The following PPP1R1C variants were observed in gnomAD, a reference collection of about 807,000 sequenced individuals.
PPP1R1C encodes the protein protein phosphatase 1 regulatory subunit 1C.
In PPP1R1C, 15 loss-of-function variants were observed where a neutral mutation model predicts 17.4. The ratio of observed to expected loss-of-function variants is 0.86; its 90% confidence interval spans 0.58 to 1.33. The LOEUF is 1.33. Ranked by LOEUF, PPP1R1C falls within the 40% of genes most tolerant of loss-of-function variation. The pLI is 0.00. For synonymous variants in PPP1R1C, 35 were observed against 43.1 expected, an observed-to-expected ratio of 0.81 and a Z score of 0.73; for missense variants, 143 against 130.0, an observed-to-expected ratio of 1.10 and a Z score of -0.48.
chr2:182,124,647 A>G (rs1305964877), intron 5 of PPP1R1C, among the ~76,000 whole-genome samples: 1 of 151,848 alleles, frequency 6.6e-6, no homozygotes, highest in Non-Finnish European at 1.5e-5. Context: ...GTGTTTTACT[A>G]TCTTTGTAGC....
intron 2 of PPP1R1C, among the ~76,000 whole-genome samples, chr2:182,048,256 A>G (rs1294360617): frequency 1.3e-5 from 2 of 152,282 alleles, no homozygotes; most frequent in East Asian, 3.9e-4. Context: ...ACTAACTCTA[A>G]GAACTCAAAG....
rs141978605 is a variant in PPP1R1C, at chr2:182,070,586, C to T, written c.241+6795C>T. Among the ~76,000 whole-genome samples, 127 of 152,276 alleles carry T rather than the reference C, an allele frequency of 8.3e-4. 1 individual carries two copies. The highest frequency in any genetic ancestry group is 2.9e-3 in the African/African-American group (120 of 41,554). ...TTGTAGAAAAATTCTGAAGATAGTA[C>T]AGAGAGTTTTCATATACCCCATATC... On this transcript the variant is annotated intron_variant, in intron 4 of 4. Transcript: ENST00000682840.
In PPP1R1C at chr2:182,030,450, AG is replaced by A. The variant is rs1251937054; in HGVS notation, c.143-30990del. ...TCTAACAGACAGGACCCTCAGCTGCAGGTCTGTTGGAATACCCTGCCGTGTG... is the reference window on the plus strand; with the variant it reads ...TCTAACAGACAGGACCCTCAGCTGCAGTCTGTTGGAATACCCTGCCGTGTG... On this transcript the variant is annotated intron_variant, in intron 2 of 4. Transcript: ENST00000682840. 8.6e-5 allele frequency among the ~76,000 whole-genome samples: 13 copies of A among 150,804 alleles called. No homozygotes were observed. The East Asian group carries it at 2.6e-3, about 30-fold the overall frequency.
At position 182,066,377 on chromosome 2, in the gene PPP1R1C, T is replaced by C. The variant is rs146402910; in HGVS notation, c.241+2586T>C. ...TATTTTCAGCTATCTCAATTGTGTG[T>C]CATCATAGATAAGATAAACCTATTT... is the stretch of plus-strand genomic sequence containing the variant. On this transcript the variant is annotated intron_variant, in intron 4 of 4. Transcript: ENST00000682840. Among the ~76,000 whole-genome samples the C allele has an allele frequency of 5.3e-5, 8 of 152,250 alleles. No individual in the cohort carries two copies. The East Asian group carries it at 1.5e-3, about 29-fold the overall frequency.
intron 2 of PPP1R1C, among the ~76,000 whole-genome samples, chr2:181,979,758 C>T (rs1013762389): frequency 6.6e-6 from 1 of 152,234 alleles, no homozygotes. Flanking sequence ...TGGAGCCTGT[C>T]TCTATGTAAA....
At chr2:182,092,587 T>G (rs1688812550) in intron 4 of PPP1R1C, among the ~76,000 whole-genome samples, 1 of 152,186 alleles carries the variant, frequency 6.6e-6, no homozygotes, top group South Asian at 2.1e-4. Flanking sequence ...CCTATAAGCC[T>G]GTAAAATCAA....
chr2:182,027,786 G>T (rs1391440151), intron 2 of PPP1R1C, among the ~76,000 whole-genome samples: 1 of 150,224 alleles, frequency 6.7e-6, no homozygotes, highest in African/African-American at 2.5e-5. Context: ...AGAAGGAATG[G>T]TACCAGTTCC....
chr2:182,037,405 G>A (rs558895808), intron 2 of PPP1R1C, among the ~76,000 whole-genome samples: 29 of 152,248 alleles, frequency 1.9e-4, no homozygotes, highest in African/African-American at 5.1e-4. Context: ...TGGCCAACAC[G>A]GTGAAACCCC....
intron 4 of PPP1R1C, among the ~76,000 whole-genome samples, chr2:182,078,881 GA>G (rs1688392881): frequency 6.6e-6 from 1 of 152,194 alleles, no homozygotes; most frequent in Admixed American, 6.5e-5. Flanking sequence ...CCAACCAACA[GA>G]ATGACACAGA....
At chr2:182,121,447 A>G (rs1051033054), downstream of PPP1R1C, among the ~76,000 whole-genome samples, 2 of 152,022 alleles carry the variant, frequency 1.3e-5, no homozygotes, top group Non-Finnish European at 2.9e-5. Flanking sequence ...AACATCATGA[A>G]CAAGTGATTA....
intron 2 of PPP1R1C, among the ~76,000 whole-genome samples, chr2:181,996,512 T>G (rs1685616748): frequency 6.6e-6 from 1 of 152,208 alleles, no homozygotes; most frequent in Non-Finnish European, 1.5e-5. Flanking sequence ...CTCTACTTCA[T>G]TTAGAATAAT....
chr2:181,962,598 G>A lies in PPP1R1C; in HGVS notation n.111+7964G>A, dbSNP rs1225233226. 1 of 424,948 alleles carries A rather than the reference G, an allele frequency of 2.4e-6. No individual in the cohort carries two copies. Among genetic ancestry groups the A allele is most frequent in the East Asian group, 5.4e-5 (1 of 18,636 alleles). The allele number at this position is 424,948 out of a possible 1,614,324, so 26.3% of individuals were successfully genotyped here. On this transcript the variant is annotated intron_variant and non_coding_transcript_variant, in intron 1 of 5. Coordinates refer to the PPP1R1C transcript ENST00000464264. This position sits in a 1 kb window ranked among gnomAD's most constrained non-coding sequence, Gnocchi z 6.0. ...GATCGAACAAAGCAAAGAGCGGGAG[G>A]GGCCCTTGGGCCAAGTATCAGGGCA...
intron 4 of PPP1R1C, among the ~76,000 whole-genome samples, chr2:182,089,190 C>T (rs748226155): frequency 6.6e-6 from 1 of 152,290 alleles, no homozygotes; most frequent in East Asian, 1.9e-4. Flanking sequence ...TGAAATAGAT[C>T]CCAGCTGTTT....
Position 182,114,309 on chromosome 2 carries a change from C to T in PPP1R1C, c.242-2898C>T, listed in dbSNP as rs374116296. ...ATGCTTATTAGCATCTGGCAGAGGA[C>T]GAAGCTCTGAGAATTTCAACAACAT... On this transcript the variant is annotated intron_variant, in intron 4 of 4. Transcript: ENST00000682840. Among the ~76,000 whole-genome samples, 14 of 152,254 alleles carry T rather than the reference C, an allele frequency of 9.2e-5. No homozygotes were observed. In the East Asian group the frequency reaches 1.5e-3, roughly 17 times the overall value.
At chr2:182,031,377 G>A (rs12989378) in intron 2 of PPP1R1C, among the ~76,000 whole-genome samples, 48,177 of 151,974 alleles carry the variant, frequency 0.32, 9,226 homozygotes, top group Non-Finnish European at 0.41. Flanking sequence ...TTTAAGAAGT[G>A]GACATTATTT....
intron 4 of PPP1R1C, among the ~76,000 whole-genome samples, chr2:182,078,845 ACTC>A (rs1338607694): frequency 7.9e-5 from 12 of 152,124 alleles, no homozygotes; most frequent in African/African-American, 2.2e-4. Context: ...AGTAAACACT[ACTC>A]CTGAGAAATC....
At chr2:182,033,150 A>G (rs1686896163) in intron 2 of PPP1R1C, among the ~76,000 whole-genome samples, 2 of 152,028 alleles carry the variant, frequency 1.3e-5, no homozygotes, top group Non-Finnish European at 2.9e-5. Context: ...CTTTCTTGCA[A>G]TTCTTTTCTT....
intron 2 of PPP1R1C, among the ~76,000 whole-genome samples, chr2:182,024,515 T>C (rs569957312): frequency 6.6e-6 from 1 of 152,152 alleles, no homozygotes; most frequent in East Asian, 1.9e-4. Flanking sequence ...TGAAGAAATA[T>C]TTATTTGAAA....
chr2:182,041,026 C>A (rs750790464), intron 2 of PPP1R1C, among the ~76,000 whole-genome samples: 1 of 152,040 alleles, frequency 6.6e-6, no homozygotes, highest in Non-Finnish European at 1.5e-5. Context: ...ACTTTTATAC[C>A]AGTACCATGT....
Sources: gnomAD v4.1 joint callset for allele counts (sites outside exome capture counted in the v4.1 genomes callset) on GRCh38, gnomAD v4.1.1 for gene constraint, Gnocchi (gnomAD v3.1) non-coding constraint, MANE v1.5 for transcripts, NCBI Gene and HGNC (gene_info 2026-07-23, HGNC 2026-07-21) for gene names.